Variants in NFIA observed in about 807,000 individuals in gnomAD.
NFIA encodes nuclear factor I A.
In NFIA, 8 loss-of-function variants were observed where a neutral mutation model predicts 62.8. The observed-to-expected ratio is 0.13, with a 90% confidence interval of 0.07 to 0.23. NFIA has a LOEUF of 0.23. Ranked by LOEUF, NFIA falls within the 10% of genes least tolerant of loss-of-function variation. NFIA has a pLI of 1.00. For missense variants in NFIA, 410 were observed against 642.1 expected (o/e 0.64, Z 3.91); for synonymous variants, 235 against 238.1 (o/e 0.99, Z 0.12).
At chr1:61,261,831 TAA>T (rs980744705) in intron 2 of NFIA, among the ~76,000 whole-genome samples, 1 of 152,216 alleles carries the variant, frequency 6.6e-6, no homozygotes, top group African/African-American at 2.4e-5. Flanking sequence ...TTGCTGTTAG[TAA>T]AAGTTTCCTC....
chr1:61,286,974 A>G (rs1658542114), intron 3 of NFIA, among the ~76,000 whole-genome samples: 2 of 152,196 alleles, frequency 1.3e-5, no homozygotes. Context: ...TGTGGCTTGA[A>G]GGGTACAAAC....
intron 2 of NFIA, among the ~76,000 whole-genome samples, chr1:61,089,872 T>A (rs1646289563): frequency 2.0e-5 from 3 of 152,214 alleles, no homozygotes; most frequent in African/African-American, 7.2e-5. Context: ...GTTATCCATC[T>A]GCCCTTACAT....
intron 2 of NFIA, among the ~76,000 whole-genome samples, chr1:61,144,510 C>T (rs2100511492): frequency 6.6e-6 from 1 of 152,268 alleles, no homozygotes; most frequent in East Asian, 1.9e-4. Flanking sequence ...GGCACTTGGA[C>T]ATTTGTACCT....
intron 7 of NFIA, 136 bp from the exon 8 acceptor site, chr1:61,403,968 C>G: frequency 1.0e-6 from 1 of 974,640 alleles, no homozygotes. Context: ...TCAGACCTAT[C>G]CAGTGTTAAA....
chr1:61,186,720 G>A (rs139471587), intron 2 of NFIA, among the ~76,000 whole-genome samples: 14 of 152,256 alleles, frequency 9.2e-5, no homozygotes, highest in Admixed American at 2.6e-4. Context: ...TAAAATAATA[G>A]CAACGGATAC....
chr1:61,387,883 C>A (rs72913884), intron 7 of NFIA, among the ~76,000 whole-genome samples: 4,409 of 152,294 alleles, frequency 0.029, 201 homozygotes, highest in African/African-American at 0.1. Flanking sequence ...ATGTCCAAGA[C>A]ATGGAAGAAC....
intron 2 of NFIA, among the ~76,000 whole-genome samples, chr1:61,272,790 T>C (rs749809022): frequency 2.6e-5 from 4 of 152,230 alleles, no homozygotes; most frequent in Non-Finnish European, 5.9e-5. Flanking sequence ...CTTTGCCTTT[T>C]AGTTTTTATA....
At chr1:61,314,224 C>T (rs1350992340) in intron 3 of NFIA, among the ~76,000 whole-genome samples, 1 of 152,092 alleles carries the variant, frequency 6.6e-6, no homozygotes, top group Admixed American at 6.5e-5. Context: ...CCCTCTGTGC[C>T]CTCAGAGCCT....
At position 61,338,020 on chromosome 1, in the gene NFIA, C is replaced by T. The variant is rs545570613; in HGVS notation, c.700+5434C>T. ...GGGAAAGAGGAAAACCGCAAATACA[C>T]ACAGGCCATTGTGACTCTGGCCTGG... On this transcript the variant is annotated intron_variant, in intron 4 of 10. Coordinates refer to ENST00000403491, the MANE Select transcript of NFIA (RefSeq NM_001134673.4). 1.1e-4 allele frequency among the ~76,000 whole-genome samples: 16 copies of T among 152,188 alleles called. No homozygotes were observed. In the East Asian group the frequency reaches 3.1e-3, roughly 29 times the overall value.
intron 2 of NFIA, among the ~76,000 whole-genome samples, chr1:61,161,439 C>T (rs1184839562): frequency 1.3e-5 from 2 of 152,166 alleles, no homozygotes; most frequent in Non-Finnish European, 2.9e-5. Context: ...TCATAGTGGA[C>T]AGCTGCTTCA....
At chr1:61,217,113 G>A (rs1458314134) in intron 2 of NFIA, among the ~76,000 whole-genome samples, 4 of 147,856 alleles carry the variant, frequency 2.7e-5, no homozygotes, top group African/African-American at 1.0e-4. Context: ...CTAGAGTGCA[G>A]TGGCGCAGTC....
At chr1:61,250,389 T>G (rs1655947513) in intron 2 of NFIA, among the ~76,000 whole-genome samples, 1 of 152,228 alleles carries the variant, frequency 6.6e-6, no homozygotes. Flanking sequence ...CTTTTTGGCC[T>G]CTCTTTTTGT....
chr1:61,446,969 T>C (rs985736361), intron 10 of NFIA, among the ~76,000 whole-genome samples: 7 of 152,178 alleles, frequency 4.6e-5, no homozygotes, highest in African/African-American at 7.2e-5. Flanking sequence ...TGGGCCACCA[T>C]TGGGCCAACC....
intron 2 of NFIA, among the ~76,000 whole-genome samples, chr1:61,157,874 A>G (rs757157266): frequency 2.0e-5 from 3 of 152,228 alleles, no homozygotes; most frequent in Non-Finnish European, 4.4e-5. Flanking sequence ...GGGCAGACTG[A>G]CACTGTGGTT....
chr1:61,304,576 C>T (rs1220679085), intron 3 of NFIA, among the ~76,000 whole-genome samples: 1 of 152,128 alleles, frequency 6.6e-6, no homozygotes, highest in African/African-American at 2.4e-5. Context: ...AGAATATCCT[C>T]AGGAGGCAGT....
chr1:61,218,521 C>A (rs1653793775), intron 2 of NFIA, among the ~76,000 whole-genome samples: 1 of 152,098 alleles, frequency 6.6e-6, no homozygotes, highest in Non-Finnish European at 1.5e-5. Flanking sequence ...ATTGAAAATA[C>A]CGTCATCACG....
At chr1:61,420,941 T>C (rs868076668) in intron 9 of NFIA, among the ~76,000 whole-genome samples, 2 of 152,236 alleles carry the variant, frequency 1.3e-5, no homozygotes, top group Non-Finnish European at 2.9e-5. Flanking sequence ...CTTTCCTTGC[T>C]GTATGGCAAA....
chr1:61,159,871 G>A (rs1649068816), intron 2 of NFIA, among the ~76,000 whole-genome samples: 2 of 151,836 alleles, frequency 1.3e-5, no homozygotes, highest in East Asian at 1.9e-4. Flanking sequence ...TAGTAGAGAC[G>A]GGGTTTCACC....
intron 3 of NFIA, among the ~76,000 whole-genome samples, chr1:61,290,676 A>G (rs1329544857): frequency 6.6e-6 from 1 of 152,238 alleles, no homozygotes; most frequent in Non-Finnish European, 1.5e-5. Flanking sequence ...AGCCAGTTCT[A>G]AAAGTAGCAG....
Sources: gnomAD v4.1 joint callset for allele counts (sites outside exome capture counted in the v4.1 genomes callset) on GRCh38, gnomAD v4.1.1 for gene constraint, MANE v1.5 for transcripts, NCBI Gene and HGNC (gene_info 2026-07-23, HGNC 2026-07-21) for gene names.